ARHGEF10: variants seen among roughly 807,000 people sequenced by gnomAD.
ARHGEF10 encodes Rho guanine nucleotide exchange factor 10.
In ARHGEF10, 140 loss-of-function variants were observed where a neutral mutation model predicts 147.4. The observed-to-expected ratio is 0.95, with a 90% CI of 0.83 to 1.09. ARHGEF10 has a LOEUF of 1.09. Among genes scored for constraint, ARHGEF10 ranks in the 50% least tolerant of loss-of-function variants. The pLI is 0.00. For synonymous variants in ARHGEF10, 902 were observed against 695.8 expected (o/e 1.30, Z -4.67); for missense variants, 2,222 against 1,752.7 (o/e 1.27, Z -4.78).
At chr8:1,839,807 TTGTGTGGAA>T (rs1803860008) in intron 1 of ARHGEF10, among the ~76,000 whole-genome samples, 1 of 111,478 alleles carries the variant, frequency 9.0e-6, no homozygotes, top group Admixed American at 9.1e-5. Context: ...GGGGACTGTC[TTGTGTGGAA>T]GCTGTCTGGT....
chr8:1,908,200 A>G (rs1811055128), intron 17 of ARHGEF10, among the ~76,000 whole-genome samples: 1 of 143,574 alleles, frequency 7.0e-6, no homozygotes. Flanking sequence ...AGCACCCGGC[A>G]TTTTGGTTAT....
rs74961831 is a variant in ARHGEF10, at chr8:1,937,515, A to C, written c.3222+3573A>C. On this transcript the variant is annotated intron_variant, in intron 26 of 28. Coordinates refer to ENST00000349830, the MANE Select transcript of ARHGEF10 (RefSeq NM_014629.4). This position sits in a 1 kb window ranked among gnomAD's most constrained non-coding sequence, Gnocchi z 4.9. Reference sequence around the variant, plus strand: ...AAATCTCGAAGACTCAGAGAGAAGCAATGTGTTTGGATCCAGATATAGGGC... The same window carrying C: ...AAATCTCGAAGACTCAGAGAGAAGCCATGTGTTTGGATCCAGATATAGGGC... Among the ~76,000 whole-genome samples, 1,559 of 152,342 alleles carry C rather than the reference A, an allele frequency of 0.01. 30 individuals carry two copies. Among genetic ancestry groups the C allele is most frequent in the African/African-American group, 0.035 (1,458 of 41,576 alleles).
chr8:1,896,272 A>T, intron 13 of ARHGEF10, 61 bp from the exon 14 acceptor site: 5 of 1,192,266 alleles, frequency 4.2e-6, no homozygotes, highest in Middle Eastern at 3.8e-4. Context: ...CTTCTGTTTT[A>T]TGTTGGAAAA....
rs1808059570 is a variant in ARHGEF10 at position 1,880,168 on chromosome 8, G to C, written c.960+4G>C. The stretch of plus-strand genomic sequence containing the variant: ...CAGGCAGAAGCATGAACTGAAGGTA[G>C]AGTCTTGCCCCCGGCCGCTGCCCCC... On this transcript the variant is annotated splice_donor_region_variant and intron_variant, in intron 9 of 28. Coordinates refer to ENST00000349830, the MANE Select transcript of ARHGEF10 (RefSeq NM_014629.4). The C allele has an allele frequency of 6.2e-7, 1 of 1,607,614 alleles. No individual in the cohort carries two copies. Among genetic ancestry groups the C allele is most frequent in the South Asian group, 1.1e-5 (1 of 90,964 alleles).
rs540393037 is a variant in ARHGEF10 at position 1,902,643 on chromosome 8, C to G, written c.1651-638C>G. ...CTCCACCAGAGTGCATTTGTGACAACCAGGAGCCTGCGTGGCCACGCAGCC... is the reference window on the plus strand; with the variant it reads ...CTCCACCAGAGTGCATTTGTGACAAGCAGGAGCCTGCGTGGCCACGCAGCC... On this transcript the variant is annotated intron_variant, in intron 15 of 28. Coordinates refer to ENST00000349830, the MANE Select transcript of ARHGEF10 (RefSeq NM_014629.4). Among the ~76,000 whole-genome samples, 6 of 152,156 alleles carry G rather than the reference C, an allele frequency of 3.9e-5. No individual in the cohort carries two copies. In the East Asian group the frequency reaches 9.7e-4, roughly 25 times the overall value.
At chr8:1,902,277 G>A (rs569759929) in intron 15 of ARHGEF10, among the ~76,000 whole-genome samples, 43 of 152,194 alleles carry the variant, frequency 2.8e-4, no homozygotes, top group Admixed American at 1.0e-3. Context: ...TTCAGCAAAC[G>A]TCAGCGTGTC....
intron 7 of ARHGEF10, among the ~76,000 whole-genome samples, chr8:1,872,934 A>G (rs1268431558): frequency 6.6e-6 from 1 of 152,160 alleles, no homozygotes; most frequent in Non-Finnish European, 1.5e-5. Context: ...GTGAGGACCA[A>G]AGGTTAGTTG....
intron 1 of ARHGEF10, among the ~76,000 whole-genome samples, chr8:1,838,722 C>T (rs1402600166): frequency 6.6e-6 from 1 of 152,224 alleles, no homozygotes; most frequent in Non-Finnish European, 1.5e-5. Context: ...GCGTGGAGGC[C>T]GTCCACCGTG....
At chr8:1,834,176 C>A (rs889962404) in intron 1 of ARHGEF10, among the ~76,000 whole-genome samples, 4 of 152,244 alleles carry the variant, frequency 2.6e-5, no homozygotes, top group East Asian at 3.9e-4. Context: ...TGCTTGTCCC[C>A]TCCCCAGCAT....
rs779861351 is a variant in ARHGEF10, at chr8:1,923,818, C to A, written c.2432C>A (p.Thr811Asn). The A allele has an allele frequency of 8.7e-6, 14 of 1,614,048 alleles. No individual in the cohort carries two copies. Among genetic ancestry groups the A allele is most frequent in the Admixed American group, 6.7e-5 (4 of 59,992 alleles). The change falls in exon 21 of 29, where the codon ACC (threonine) becomes AAC (asparagine). Residue 811 changes from threonine (T) to asparagine (N), a missense_variant. Thr to Asn is a moderately conservative substitution (Grantham distance 65, BLOSUM62 0). Coordinates refer to ENST00000349830, the MANE Select transcript of ARHGEF10 (RefSeq NM_014629.4). ...TTTACAGCTGTGTTCAATACGTTCA[C>A]CCCTGCCATCAAGGAGTCCTGGGTC... ...TFFTAVFNTFTPAIKESWVNS... is the reference protein window; with the variant it reads ...TFFTAVFNTFNPAIKESWVNS...
Position 1,958,194 on chromosome 8 carries a change from G to A in ARHGEF10, c.*931G>A, listed in dbSNP as rs533824665. On this transcript the variant is annotated 3_prime_UTR_variant, in exon 29 of 29. Coordinates refer to ENST00000349830, the MANE Select transcript of ARHGEF10 (RefSeq NM_014629.4). The stretch of plus-strand genomic sequence containing the variant: ...GCACGCACGCTCCGAATGACTCCTG[G>A]TGCTAGGCCATGCTGGCTGCTGTCA... The A allele has an allele frequency of 6.6e-6, 1 of 152,376 alleles. No homozygotes were observed. The highest frequency in any genetic ancestry group is 2.4e-5 in the African/African-American group (1 of 41,586). The allele number at this position is 152,376 out of a possible 1,614,324, so 9.4% of individuals were successfully genotyped here.
intron 18 of ARHGEF10, among the ~76,000 whole-genome samples, chr8:1,922,397 C>T (rs1394451636): frequency 1.3e-5 from 2 of 152,024 alleles, no homozygotes; most frequent in East Asian, 3.9e-4. Flanking sequence ...GCTGTTATGT[C>T]AACGGTGTCT....
In ARHGEF10 at chr8:1,867,387, A is replaced by C. The variant is rs539587420; in HGVS notation, c.622+785A>C. 5.9e-5 allele frequency among the ~76,000 whole-genome samples: 9 copies of C among 152,354 alleles called. No homozygotes were observed. The East Asian group carries it at 1.7e-3, about 29-fold the overall frequency. On this transcript the variant is annotated intron_variant, in intron 6 of 28. Transcript: ENST00000349830. ...TTCGTGTTTAGATTTCAAAAACAGGAAACATCCAAAAGTGCATCATTTTAT... is the reference window on the plus strand; with the variant it reads ...TTCGTGTTTAGATTTCAAAAACAGGCAACATCCAAAAGTGCATCATTTTAT...
At chr8:1,918,487 TGTGTGTGTGTG>T (rs1811930877) in intron 18 of ARHGEF10, among the ~76,000 whole-genome samples, 1 of 151,794 alleles carries the variant, frequency 6.6e-6, no homozygotes, top group Non-Finnish European at 1.5e-5. Context: ...TGTGTGTGTG[TGTGTGTGTGTG>T]TGTGTGTTAT....
rs936167304 is a variant in ARHGEF10, at chr8:1,858,219, C to T, written c.193+104C>T. 3.0e-6 allele frequency: 3 copies of T among 998,790 alleles called. No individual in the cohort carries two copies. In the African/African-American group the frequency reaches 5.4e-5, roughly 18 times the overall value. The allele number at this position is 998,790 out of a possible 1,614,324, so 61.9% of individuals were successfully genotyped here. A position where few individuals can be genotyped will look rare whatever the true frequency, so the allele number is the denominator to read the frequency against. On this transcript the variant is annotated intron_variant, in intron 3 of 28. Transcript: ENST00000349830. ...CACCAGGTGAGTTCCCAGGTGAGTC[C>T]CCAGGTGAGTCCCCAGGTGGGTCCC...
intron 1 of ARHGEF10, among the ~76,000 whole-genome samples, chr8:1,830,548 C>G (rs1436818313): frequency 6.6e-6 from 1 of 152,188 alleles, no homozygotes. Flanking sequence ...ATGACAAGCA[C>G]CGGCAAATCT....
At position 1,885,526 on chromosome 8, in the gene ARHGEF10, T is replaced by C. The variant is rs1585390423; in HGVS notation, c.1076-75T>C. The C allele has an allele frequency of 1.4e-5, 11 of 794,038 alleles. 1 individual carries two copies. Among genetic ancestry groups the C allele is most frequent in the Non-Finnish European group, 2.1e-5 (11 of 531,384 alleles). The allele number at this position is 794,038 out of a possible 1,614,324, so 49.2% of individuals were successfully genotyped here. On this transcript the variant is annotated intron_variant, in intron 10 of 28. Transcript: ENST00000349830. ...GTCTACACAAAATATTTATTTGACT[T>C]TTTTTTACTGTACTGTAGTGTTGTG...
chr8:1,892,994 G>A (rs564079649), intron 11 of ARHGEF10, among the ~76,000 whole-genome samples: 1 of 147,924 alleles, frequency 6.8e-6, no homozygotes, highest in African/African-American at 2.5e-5. Flanking sequence ...ATGTCAGATT[G>A]TAGAGATTTT....
chr8:1,914,168 C>G (rs1216070178), intron 18 of ARHGEF10, among the ~76,000 whole-genome samples: 2 of 152,246 alleles, frequency 1.3e-5, no homozygotes, highest in South Asian at 2.1e-4. Context: ...GCTTGAACAG[C>G]TGAATATACA....
Sources: allele counts gnomAD v4.1 joint callset (sites outside exome capture counted in the v4.1 genomes callset), GRCh38; gene constraint gnomAD v4.1.1; non-coding constraint Gnocchi (gnomAD v3.1); transcripts MANE v1.5; gene names NCBI Gene and HGNC (gene_info 2026-07-23, HGNC 2026-07-21).